Variants in SYN3 observed in about 807,000 individuals in gnomAD.
SYN3 encodes synapsin-3.
In SYN3, 35 loss-of-function variants were observed where a neutral mutation model predicts 65.8. That is an observed-to-expected ratio of 0.53 (90% confidence interval 0.41 to 0.70). The LOEUF (loss-of-function observed/expected upper bound fraction) is 0.70. SYN3 is among the 30% of genes least tolerant of loss of function. The pLI, the probability that SYN3 is intolerant of heterozygous loss-of-function variation, is 0.00. For synonymous variants in SYN3, 270 were observed against 292.9 expected (o/e 0.92, Z 0.80); for missense variants, 680 against 749.0 (o/e 0.91, Z 1.08).
At chr22:32,679,569 C>G (rs2147105286) in intron 6 of SYN3, among the ~76,000 whole-genome samples, 1 of 152,186 alleles carries the variant, frequency 6.6e-6, no homozygotes, top group South Asian at 2.1e-4. Flanking sequence ...TCTTCTGTAG[C>G]AGCTGCACCA....
Position 32,958,880 on chromosome 22 carries a change from C to T in SYN3, c.369+21765G>A, listed in dbSNP as rs565666285. 2.6e-5 allele frequency among the ~76,000 whole-genome samples: 4 copies of T among 152,046 alleles called. No individual in the cohort carries two copies. The South Asian group carries it at 6.3e-4, about 24-fold the overall frequency. Reference sequence around the variant, plus strand: ...GTCCGAGACAATGGGAGCAGCAGGACGATAGAACCCCAGTGAGGGAATTAC... The same window carrying T: ...GTCCGAGACAATGGGAGCAGCAGGATGATAGAACCCCAGTGAGGGAATTAC... On this transcript the variant is annotated intron_variant, in intron 3 of 13. Coordinates refer to ENST00000358763, the MANE Select transcript of SYN3 (RefSeq NM_003490.4).
intron 6 of SYN3, among the ~76,000 whole-genome samples, chr22:32,692,155 C>CAAAAAAAAAA (rs1188224009): frequency 5.8e-5 from 2 of 34,482 alleles, no homozygotes; most frequent in Non-Finnish European, 4.3e-5. Flanking sequence ...GACAAAAAGA[C>CAAAAAAAAAA]AAAAAAAAAA....
intron 6 of SYN3, among the ~76,000 whole-genome samples, chr22:32,709,255 G>C (rs564861885): frequency 6.6e-6 from 1 of 152,316 alleles, no homozygotes; most frequent in East Asian, 1.9e-4. Flanking sequence ...CAATGATTCA[G>C]GGTTGTTGTG....
intron 6 of SYN3, among the ~76,000 whole-genome samples, chr22:32,710,580 T>A (rs1038131488): frequency 6.9e-6 from 1 of 145,722 alleles, no homozygotes; most frequent in Non-Finnish European, 1.5e-5. Flanking sequence ...TTACAGTGAG[T>A]TGAGATTGTG....
intron 4 of SYN3, among the ~76,000 whole-genome samples, chr22:32,875,162 G>A (rs182552949): frequency 6.6e-6 from 1 of 152,336 alleles, no homozygotes; most frequent in East Asian, 1.9e-4. Context: ...ATCTGGTGAG[G>A]AGCAGACAAC....
At chr22:32,941,748 C>A (rs964137348) in intron 3 of SYN3, among the ~76,000 whole-genome samples, 4 of 152,208 alleles carry the variant, frequency 2.6e-5, no homozygotes, top group African/African-American at 9.7e-5. Context: ...TAACTCCCAC[C>A]CTAATACTGT....
At chr22:32,868,154 T>C (rs981163772) in intron 5 of SYN3, among the ~76,000 whole-genome samples, 2 of 152,168 alleles carry the variant, frequency 1.3e-5, no homozygotes. Flanking sequence ...TTCTGGGACA[T>C]AGTAAGTGCT....
intron 6 of SYN3, among the ~76,000 whole-genome samples, chr22:32,722,343 C>G (rs11705241): frequency 0.031 from 4,746 of 152,168 alleles, 88 homozygotes; most frequent in Middle Eastern, 0.051. Flanking sequence ...GGAGAAAAGA[C>G]AGCAGAGTCG....
chr22:32,864,666 G>T, intron 6 of SYN3: 1 of 346,514 alleles, frequency 2.9e-6, no homozygotes, highest in Non-Finnish European at 5.4e-6. Context: ...CTGATTTGCT[G>T]AAAATCTCCA....
At chr22:32,546,204 G>A (rs2058333886) in intron 7 of SYN3, among the ~76,000 whole-genome samples, 1 of 152,324 alleles carries the variant, frequency 6.6e-6, no homozygotes, top group East Asian at 1.9e-4. Flanking sequence ...TAGACTGTGA[G>A]CTTCTTGAGG....
intron 7 of SYN3, among the ~76,000 whole-genome samples, chr22:32,596,274 T>C (rs2059198200): frequency 6.6e-6 from 1 of 152,180 alleles, no homozygotes; most frequent in African/African-American, 2.4e-5. Context: ...GTTCCAGGTA[T>C]TTCTTTAGAG....
rs3070481 is a variant in SYN3 at position 32,567,358 on chromosome 22, TTTCCTTCC to T, written c.775-25653_775-25646del. Reference sequence around the variant, plus strand: ...CCTCCCTCCCTCCCTCCCTCCCTTCTTTCCTTCCTTCCTTCCTTCCTTCACCAAAAATG... The same window carrying T: ...CCTCCCTCCCTCCCTCCCTCCCTTCTTTCCTTCCTTCCTTCACCAAAAATG... On this transcript the variant is annotated intron_variant, in intron 7 of 13. Transcript: ENST00000358763. 4.2e-4 allele frequency among the ~76,000 whole-genome samples: 45 copies of T among 108,188 alleles called. 1 individual carries two copies. Among genetic ancestry groups the T allele is most frequent in the Admixed American group, 1.7e-3 (18 of 10,598 alleles). 71.0% of individuals were successfully genotyped at this position (108,188 alleles called of 152,430 possible).
intron 4 of SYN3, among the ~76,000 whole-genome samples, chr22:32,910,000 A>G (rs1019043850): frequency 6.6e-6 from 1 of 152,170 alleles, no homozygotes; most frequent in East Asian, 1.9e-4. Flanking sequence ...AGCAAAATAC[A>G]TTCTCTGGGT....
At chr22:32,569,571 C>CTCTCTCTATA (rs1205661126) in intron 7 of SYN3, among the ~76,000 whole-genome samples, 7 of 90,926 alleles carry the variant, frequency 7.7e-5, no homozygotes, top group African/African-American at 2.6e-4. Flanking sequence ...CTCTCTCTCT[C>CTCTCTCTATA]TATATATATA....
At chr22:32,606,496 G>T (rs1185841640) in intron 6 of SYN3, among the ~76,000 whole-genome samples, 1 of 152,196 alleles carries the variant, frequency 6.6e-6, no homozygotes, top group African/African-American at 2.4e-5. Context: ...CTGTAATTCT[G>T]CCATGTTGTG....
At chr22:32,982,591 T>C (rs79795271) in intron 2 of SYN3, among the ~76,000 whole-genome samples, 2,223 of 152,358 alleles carry the variant, frequency 0.015, 57 homozygotes, top group African/African-American at 0.05. Context: ...ATTACAACAA[T>C]AATTATAATT....
intron 6 of SYN3, among the ~76,000 whole-genome samples, chr22:32,825,964 TTTA>T (rs1195301229): frequency 6.6e-6 from 1 of 152,244 alleles, no homozygotes; most frequent in East Asian, 1.9e-4. Flanking sequence ...TATCCACAAG[TTTA>T]TAGTAGCATA....
intron 4 of SYN3, among the ~76,000 whole-genome samples, chr22:32,894,443 G>T (rs532999449): frequency 6.6e-6 from 1 of 152,136 alleles, no homozygotes; most frequent in South Asian, 2.1e-4. Context: ...ATCTTGCCAG[G>T]CTCCCTTGTA....
intron 7 of SYN3, among the ~76,000 whole-genome samples, chr22:32,548,513 C>T (rs1005123500): frequency 6.6e-6 from 1 of 152,138 alleles, no homozygotes; most frequent in Admixed American, 6.5e-5. Context: ...GCTGGGACTA[C>T]AGGCGCCCAC....
Sources: allele counts gnomAD v4.1 joint callset (sites outside exome capture counted in the v4.1 genomes callset), GRCh38; gene constraint gnomAD v4.1.1; transcripts MANE v1.5; gene names NCBI Gene and HGNC (gene_info 2026-07-23, HGNC 2026-07-21).